NCKAP1: variants seen among roughly 807,000 people sequenced by gnomAD.
NCKAP1 encodes the protein NCK associated protein 1.
NCKAP1 carries 21 observed loss-of-function variants against 151.2 expected under a neutral mutation model. That is an observed-to-expected ratio of 0.14 (90% CI 0.10 to 0.20). NCKAP1 has a LOEUF of 0.20. Among genes scored for constraint, NCKAP1 ranks in the 10% least tolerant of loss-of-function variants. NCKAP1 has a pLI of 1.00. For missense variants in NCKAP1, 933 were observed against 1,352.1 expected (o/e 0.69, Z 4.86); for synonymous variants, 484 against 451.8 (o/e 1.07, Z -0.90).
chr2:182,960,264 G>A (rs1016244615), intron 18 of NCKAP1, among the ~76,000 whole-genome samples: 27 of 152,062 alleles, frequency 1.8e-4, no homozygotes, highest in African/African-American at 3.6e-4. Flanking sequence ...AAAAGAGCCC[G>A]CATTGCCAAG....
chr2:182,994,070 G>A (rs1362827721), intron 8 of NCKAP1, among the ~76,000 whole-genome samples: 1 of 152,144 alleles, frequency 6.6e-6, no homozygotes, highest in Admixed American at 6.5e-5. Context: ...AAGCTTCTTA[G>A]AAGCAGAAAC....
At chr2:182,944,849 C>T (rs1164440686) in intron 23 of NCKAP1, among the ~76,000 whole-genome samples, 2 of 152,134 alleles carry the variant, frequency 1.3e-5, no homozygotes, top group African/African-American at 4.8e-5. Flanking sequence ...CACCTGTGAT[C>T]CTAGCACTTT....
At chr2:182,957,260 C>T in intron 19 of NCKAP1, 197 bp downstream of exon 19, 1 of 510,100 alleles carries the variant, frequency 2.0e-6, no homozygotes, top group Non-Finnish European at 3.1e-6. Flanking sequence ...CATATATTTT[C>T]TTCTAAAGGC....
intron 20 of NCKAP1, among the ~76,000 whole-genome samples, chr2:182,954,451 C>T (rs1480074861): frequency 1.3e-5 from 2 of 152,088 alleles, no homozygotes; most frequent in African/African-American, 4.8e-5. Flanking sequence ...AAAAGACAAC[C>T]GACAAATCCC....
At position 182,963,347 on chromosome 2, in the gene NCKAP1, G is replaced by C. The variant is rs1316234634; in HGVS notation, c.1762-1069C>G. Among the ~76,000 whole-genome samples the C allele has an allele frequency of 3.3e-5, 5 of 152,174 alleles. No individual in the cohort carries two copies. In the East Asian group the frequency reaches 7.7e-4, roughly 24 times the overall value. On this transcript the variant is annotated intron_variant, in intron 17 of 30. Coordinates refer to ENST00000361354, the MANE Select transcript of NCKAP1 (RefSeq NM_013436.5). ...TCCTGAAAAAAGAATACTGAATTAA[G>C]ACTGCTCAAATTTGTTCTTTACAGA...
In NCKAP1 at chr2:182,994,840, G is replaced by T. The variant is rs1698236820; in HGVS notation, c.789C>A (p.Ile263=). 6.2e-7 allele frequency: 1 copy of T among 1,603,598 alleles called. No homozygotes were observed. Among genetic ancestry groups the T allele is most frequent in the African/African-American group, 1.3e-5 (1 of 74,786 alleles). ...LSLDAMEKWI[I]FGFILCHGIL... is the part of the protein sequence containing the mutation. ...ATAACACTAACCCATTTTACTTACA[G>T]ATAATCCACTTTTCCATTGCATCCA... Residue 263 remains isoleucine, a splice_region_variant and synonymous_variant, in exon 8 of 31, where the codon ATC becomes ATA. Transcript: ENST00000361354.
chr2:182,962,824 A>T lies in NCKAP1; in HGVS notation c.1762-546T>A, dbSNP rs1365398805. On this transcript the variant is annotated intron_variant, in intron 17 of 30. Transcript: ENST00000361354. ...ATCAAACCCTATTGCTCCCAGGAAG[A>T]AAAAAAAAAAAAACGCTGATCATGC... Among the ~76,000 whole-genome samples, 4 of 126,806 alleles carry T rather than the reference A, an allele frequency of 3.2e-5. No individual in the cohort carries two copies. In the Admixed American group the frequency reaches 3.2e-4, roughly 10 times the overall value. The allele number at this position is 126,806 out of a possible 152,430, so 83.2% of individuals were successfully genotyped here. A position where few individuals can be genotyped will look rare whatever the true frequency, so the allele number is the denominator to read the frequency against.
intron 1 of NCKAP1, among the ~76,000 whole-genome samples, chr2:183,027,152 A>C (rs1460591219): frequency 6.6e-6 from 1 of 152,196 alleles, no homozygotes; most frequent in African/African-American, 2.4e-5. Context: ...CCATGTTTAA[A>C]ATCTTGGCAC....
intron 1 of NCKAP1, 34 bp downstream of exon 1, chr2:183,037,958 C>A: frequency 6.5e-7 from 1 of 1,534,802 alleles, no homozygotes. Context: ...CGGGCCCGCC[C>A]GCCTCCGCCG....
At chr2:183,002,802 A>C (rs1030727807) in intron 4 of NCKAP1, among the ~76,000 whole-genome samples, 172 bp downstream of exon 4, 3 of 152,096 alleles carry the variant, frequency 2.0e-5, no homozygotes, top group African/African-American at 7.2e-5. Flanking sequence ...GACAATCAAA[A>C]CAAATAAAAA....
chr2:182,994,824 A>T lies in NCKAP1; in HGVS notation c.790+15T>A. ...AGCCTGGGGAGTAATCATAACACTAACCCATTTTACTTACAGATAATCCAC... is the reference window on the plus strand; with the variant it reads ...AGCCTGGGGAGTAATCATAACACTATCCCATTTTACTTACAGATAATCCAC... On this transcript the variant is annotated intron_variant, in intron 8 of 30. Coordinates refer to ENST00000361354, the MANE Select transcript of NCKAP1 (RefSeq NM_013436.5). 6.3e-7 allele frequency: 1 copy of T among 1,590,954 alleles called. No individual in the cohort carries two copies. Among genetic ancestry groups the T allele is most frequent in the Non-Finnish European group, 8.6e-7 (1 of 1,159,414 alleles).
intron 24 of NCKAP1, among the ~76,000 whole-genome samples, chr2:182,939,489 T>C (rs1343060357): frequency 1.3e-5 from 2 of 152,026 alleles, no homozygotes; most frequent in African/African-American, 2.4e-5. Context: ...GACTGTGTCA[T>C]TACACTTCAG....
At chr2:183,025,144 T>C in intron 1 of NCKAP1, 2 of 717,628 alleles carry the variant, frequency 2.8e-6, no homozygotes, top group Non-Finnish European at 4.6e-6. Flanking sequence ...ATTTTAAAGG[T>C]ATTCTAAGTA....
At chr2:183,010,353 G>A (rs1026410891) in intron 2 of NCKAP1, among the ~76,000 whole-genome samples, 2 of 152,216 alleles carry the variant, frequency 1.3e-5, no homozygotes, top group Non-Finnish European at 2.9e-5. Flanking sequence ...GTATCACATA[G>A]AGAAAGGGCA....
At chr2:183,025,601 TTAC>T (rs1264398182) in intron 1 of NCKAP1, among the ~76,000 whole-genome samples, 1 of 152,162 alleles carries the variant, frequency 6.6e-6, no homozygotes, top group Non-Finnish European at 1.5e-5. Context: ...CAGACTGACA[TTAC>T]TACTATGTAA....
intron 30 of NCKAP1, 37 bp downstream of exon 30, chr2:182,926,779 C>CT: frequency 7.1e-7 from 1 of 1,403,620 alleles, no homozygotes; most frequent in Non-Finnish European, 9.9e-7. Context: ...ACGACTGGAA[C>CT]TTTTTTATTG....
chr2:182,943,654 C>A (rs920683609), intron 23 of NCKAP1, among the ~76,000 whole-genome samples: 2 of 150,844 alleles, frequency 1.3e-5, no homozygotes, highest in Admixed American at 1.3e-4. Context: ...AAAAAAAAAA[C>A]CCAACTACTA....
chr2:183,025,705 T>C (rs906158859), intron 1 of NCKAP1, among the ~76,000 whole-genome samples: 2 of 152,150 alleles, frequency 1.3e-5, no homozygotes, highest in African/African-American at 2.4e-5. Context: ...ATCTTCCAAT[T>C]TATATTCTTC....
At chr2:183,010,736 C>T (rs10803963) in intron 2 of NCKAP1, among the ~76,000 whole-genome samples, 1 of 152,050 alleles carries the variant, frequency 6.6e-6, no homozygotes, top group South Asian at 2.1e-4. Context: ...TAATTATATA[C>T]CGTGGTATAG....
Sources: gnomAD v4.1 joint callset for allele counts (sites outside exome capture counted in the v4.1 genomes callset) on GRCh38, gnomAD v4.1.1 for gene constraint, MANE v1.5 for transcripts, NCBI Gene and HGNC (gene_info 2026-07-23, HGNC 2026-07-21) for gene names.